The following GRHL2 variants were observed in gnomAD, a reference collection of about 807,000 sequenced individuals.
GRHL2 encodes grainyhead-like protein 2 homolog.
A neutral mutation model predicts 83.8 loss-of-function variants in GRHL2; 21 were observed. The observed-to-expected ratio is 0.25, with a 90% CI of 0.18 to 0.36. GRHL2 has a LOEUF of 0.36. GRHL2 is among the 10% of genes least tolerant of loss of function. GRHL2 has a pLI of 1.00. For synonymous variants in GRHL2, 280 were observed against 278.9 expected (o/e 1.00, Z -0.04); for missense variants, 623 against 781.8 (o/e 0.80, Z 2.42).
chr8:101,599,164 G>T lies in GRHL2; in HGVS notation c.1098+13G>T. The T allele has an allele frequency of 6.4e-7, 1 of 1,552,052 alleles. No individual in the cohort carries two copies. Among genetic ancestry groups the T allele is most frequent in the Non-Finnish European group, 8.9e-7 (1 of 1,123,400 alleles). On this transcript the variant is annotated intron_variant, in intron 8 of 15. Coordinates refer to ENST00000646743, the MANE Select transcript of GRHL2 (RefSeq NM_024915.4). ...TGAAGAGGCGAAGGTGAGTGACATT[G>T]ATTCATTGTTTATACCTCTTAATAT...
intron 4 of GRHL2, chr8:101,562,435 G>T: frequency 2.1e-6 from 1 of 481,540 alleles, no homozygotes; most frequent in South Asian, 2.2e-5. Flanking sequence ...CAAACGTCAT[G>T]CCGTGGCCAG....
At chr8:101,612,846 T>TC (rs1812780862) in intron 8 of GRHL2, among the ~76,000 whole-genome samples, 1 of 150,964 alleles carries the variant, frequency 6.6e-6, no homozygotes. Context: ...GCAAGTACCC[T>TC]CCTCTTAAGG....
Position 101,669,501 on chromosome 8 carries a change from A to C in GRHL2, c.*2798A>C, listed in dbSNP as rs983136580. 1 of 152,488 alleles carries C rather than the reference A, an allele frequency of 6.6e-6. No homozygotes were observed. Among genetic ancestry groups the C allele is most frequent in the African/African-American group, 2.4e-5 (1 of 41,426 alleles). 9.4% of individuals were successfully genotyped at this position (152,488 alleles called of 1,614,324 possible). A position where few individuals can be genotyped will look rare whatever the true frequency, so the allele number is the denominator to read the frequency against. ...ATTTAAAATCATGCAAATGCAACAG[A>C]AATAGAGGGTTTGTGCCAAATGCTA... On this transcript the variant is annotated 3_prime_UTR_variant, in exon 16 of 16. Coordinates refer to ENST00000646743, the MANE Select transcript of GRHL2 (RefSeq NM_024915.4).
chr8:101,532,266 G>T (rs1436461001), intron 1 of GRHL2, among the ~76,000 whole-genome samples: 1 of 152,144 alleles, frequency 6.6e-6, no homozygotes, highest in Non-Finnish European at 1.5e-5. Flanking sequence ...TGGGAAAAAG[G>T]CCAATATTCC....
At chr8:101,656,873 GACACACACACACAC>G (rs35693999) in intron 14 of GRHL2, among the ~76,000 whole-genome samples, 5 of 147,270 alleles carry the variant, frequency 3.4e-5, no homozygotes, top group East Asian at 4.0e-4. Flanking sequence ...GTGTCTAACA[GACACACACACACAC>G]ACACACACAC....
chr8:101,557,615 G>A (rs779554327), intron 3 of GRHL2, among the ~76,000 whole-genome samples: 3 of 152,128 alleles, frequency 2.0e-5, no homozygotes, highest in South Asian at 4.1e-4. Flanking sequence ...GTTTGTTCAG[G>A]TCAAGATCCA....
At chr8:101,635,415 G>T (rs920185790) in intron 11 of GRHL2, among the ~76,000 whole-genome samples, 5 of 152,202 alleles carry the variant, frequency 3.3e-5, no homozygotes, top group Non-Finnish European at 2.9e-5. Flanking sequence ...GGCCATTCAG[G>T]AGGGTGGGAA....
intron 11 of GRHL2, 91 bp from the exon 12 acceptor site, chr8:101,636,806 A>C: frequency 9.2e-7 from 1 of 1,088,242 alleles, no homozygotes; most frequent in Non-Finnish European, 1.4e-6. Flanking sequence ...TTTAAGAGAC[A>C]GTTTATGCCT....
At chr8:101,600,285 T>C (rs6468781) in intron 8 of GRHL2, among the ~76,000 whole-genome samples, 80,784 of 151,706 alleles carry the variant, frequency 0.53, 24,008 homozygotes, top group African/African-American at 0.81. Context: ...GGCCTTGCCA[T>C]GGGGTGTGAG....
chr8:101,494,431 A>T (rs1370693587), intron 1 of GRHL2, among the ~76,000 whole-genome samples: 2 of 152,190 alleles, frequency 1.3e-5, no homozygotes. Flanking sequence ...TAGCGTTACC[A>T]ACACGGGAGC....
chr8:101,611,730 G>A lies in GRHL2; in HGVS notation c.1099-7809G>A, dbSNP rs573050918. Among the ~76,000 whole-genome samples, 39 of 150,924 alleles carry A rather than the reference G, an allele frequency of 2.6e-4. No individual in the cohort carries two copies. In the East Asian group the frequency reaches 6.7e-3, roughly 26 times the overall value. On this transcript the variant is annotated intron_variant, in intron 8 of 15. Coordinates refer to ENST00000646743, the MANE Select transcript of GRHL2 (RefSeq NM_024915.4). The stretch of plus-strand genomic sequence containing the variant: ...CTCTATCTGCCTTGGCCTCAGAGAT[G>A]CACACTTGGCCTCATTCAGTGCTTA...
chr8:101,532,405 A>G (rs1810946629), intron 1 of GRHL2, among the ~76,000 whole-genome samples: 1 of 152,198 alleles, frequency 6.6e-6, no homozygotes, highest in Non-Finnish European at 1.5e-5. Flanking sequence ...AATCAGCTAC[A>G]AGAAAATGAG....
At chr8:101,554,360 C>T (rs1313975054) in intron 3 of GRHL2, among the ~76,000 whole-genome samples, 1 of 152,174 alleles carries the variant, frequency 6.6e-6, no homozygotes, top group Non-Finnish European at 1.5e-5. Context: ...TCTGCTTAGT[C>T]CTGTGCCAGA....
chr8:101,579,729 T>C (rs995651322), intron 7 of GRHL2, among the ~76,000 whole-genome samples: 3 of 152,236 alleles, frequency 2.0e-5, no homozygotes, highest in Non-Finnish European at 4.4e-5. Context: ...GTAAACACTA[T>C]TTCCCACATA....
At chr8:101,653,766 T>C (rs1483419774) in intron 14 of GRHL2, among the ~76,000 whole-genome samples, 2 of 150,364 alleles carry the variant, frequency 1.3e-5, no homozygotes, top group Non-Finnish European at 3.0e-5. Context: ...AAAACAAAGA[T>C]GCCATCCCAG....
intron 4 of GRHL2, among the ~76,000 whole-genome samples, chr8:101,566,197 T>C (rs969194969): frequency 6.6e-6 from 1 of 152,250 alleles, no homozygotes; most frequent in African/African-American, 2.4e-5. Flanking sequence ...GTCACTTTGT[T>C]AATGTGTTTT....
intron 7 of GRHL2, among the ~76,000 whole-genome samples, chr8:101,590,939 A>G (rs1812267839): frequency 6.6e-6 from 1 of 152,172 alleles, no homozygotes; most frequent in African/African-American, 2.4e-5. Context: ...CTCCAAAAAT[A>G]TATACAAAAA....
intron 10 of GRHL2, 51 bp from the exon 11 acceptor site, chr8:101,632,175 T>A: frequency 6.3e-7 from 1 of 1,597,978 alleles, no homozygotes; most frequent in Non-Finnish European, 8.6e-7. Context: ...AGTTGAGAGT[T>A]CTTAGTCATA....
At chr8:101,561,087 T>C (rs1171608637) in intron 4 of GRHL2, among the ~76,000 whole-genome samples, 1 of 152,102 alleles carries the variant, frequency 6.6e-6, no homozygotes, top group African/African-American at 2.4e-5. Flanking sequence ...TTTGTTTGTT[T>C]TTTGTTTTTC....
Sources: gnomAD v4.1 joint callset for allele counts (sites outside exome capture counted in the v4.1 genomes callset) on GRCh38, gnomAD v4.1.1 for gene constraint, MANE v1.5 for transcripts, NCBI Gene and HGNC (gene_info 2026-07-23, HGNC 2026-07-21) for gene names.